The following CELF4 variants were observed in gnomAD, a reference collection of about 807,000 sequenced individuals.
The protein encoded by CELF4 is CUGBP Elav-like family member 4, also known as CUG-BP- and ETR-3-like factor 4.
In CELF4, 18 loss-of-function variants were observed where a neutral mutation model predicts 59.9. The ratio of observed to expected loss-of-function variants is 0.30; its 90% CI spans 0.21 to 0.45. CELF4 has a LOEUF of 0.45. Among genes scored for constraint, CELF4 ranks in the 20% least tolerant of loss-of-function variants. The probability of loss-of-function intolerance (pLI) is 1.00; values close to 1 mark genes in which losing one functional copy is unlikely to be tolerated. For synonymous variants in CELF4, 261 were observed against 267.1 expected (o/e 0.98, Z 0.22); for missense variants, 456 against 689.0 (o/e 0.66, Z 3.79).
chr18:37,275,099 GC>G lies in CELF4; in HGVS notation c.577+15del. On this transcript the variant is annotated intron_variant, in intron 4 of 12. Coordinates refer to ENST00000420428, the MANE Select transcript of CELF4 (RefSeq NM_020180.4). ...CCCTCCCTCCGGGGCATCCCTCCCG[GC>G]CCCGCCCCGCGCACCCTTGCTGTTG... The G allele has an allele frequency of 6.2e-7, 1 of 1,611,542 alleles. No individual in the cohort carries two copies. Among genetic ancestry groups the G allele is most frequent in the Non-Finnish European group, 8.5e-7 (1 of 1,179,012 alleles).
chr18:37,425,241 G>A (rs1052573399), intron 2 of CELF4, among the ~76,000 whole-genome samples: 1 of 152,222 alleles, frequency 6.6e-6, no homozygotes, highest in Admixed American at 6.5e-5. Context: ...TGATGCTACC[G>A]GCCTCGTGTG....
At position 37,537,973 on chromosome 18, in the gene CELF4, T is replaced by C. The variant is rs371641649; in HGVS notation, c.286+27383A>G. The stretch of plus-strand genomic sequence containing the variant: ...GATTGGGGCACAGACATTTGTGCCC[T>C]GTGCCCCGGAGAGTCCCAGGCGCTG... On this transcript the variant is annotated intron_variant, in intron 1 of 12. Coordinates refer to ENST00000420428, the MANE Select transcript of CELF4 (RefSeq NM_020180.4). Among the ~76,000 whole-genome samples, 69 of 152,380 alleles carry C rather than the reference T, an allele frequency of 4.5e-4. No homozygotes were observed. In the East Asian group the frequency reaches 0.01, roughly 23 times the overall value.
chr18:37,363,203 G>A (rs533981641), intron 2 of CELF4, among the ~76,000 whole-genome samples: 1 of 152,232 alleles, frequency 6.6e-6, no homozygotes, highest in South Asian at 2.1e-4. Context: ...GGTGGGGGAG[G>A]TTAGGAGGTG....
intron 1 of CELF4, among the ~76,000 whole-genome samples, chr18:37,559,582 A>G (rs2099985930): frequency 6.6e-6 from 1 of 151,792 alleles, no homozygotes; most frequent in African/African-American, 2.4e-5. Context: ...TCTAGAGCCT[A>G]CTTATTCCAG....
chr18:37,514,174 C>T (rs1431460215), intron 1 of CELF4, among the ~76,000 whole-genome samples: 1 of 152,142 alleles, frequency 6.6e-6, no homozygotes, highest in Non-Finnish European at 1.5e-5. Context: ...TCTCAAACAA[C>T]TAGAGGCTCT....
intron 1 of CELF4, among the ~76,000 whole-genome samples, chr18:37,552,125 G>A (rs2099983399): frequency 6.6e-6 from 1 of 152,164 alleles, no homozygotes; most frequent in African/African-American, 2.4e-5. Flanking sequence ...ATCTTTCGGG[G>A]GTTCCCACAT....
chr18:37,398,177 C>T (rs1286135978), intron 2 of CELF4, among the ~76,000 whole-genome samples: 1 of 152,170 alleles, frequency 6.6e-6, no homozygotes, highest in Non-Finnish European at 1.5e-5. Flanking sequence ...GCTTTTATAG[C>T]CTGTGACCCC....
At chr18:37,334,241 C>A (rs777936007) in intron 2 of CELF4, among the ~76,000 whole-genome samples, 1 of 152,202 alleles carries the variant, frequency 6.6e-6, no homozygotes, top group Non-Finnish European at 1.5e-5. Context: ...CTGGTACCAG[C>A]GCCCCACTGG....
At chr18:37,504,659 G>A (rs887359127) in intron 1 of CELF4, among the ~76,000 whole-genome samples, 2 of 152,230 alleles carry the variant, frequency 1.3e-5, no homozygotes, top group African/African-American at 2.4e-5. Context: ...TCAGTAATCA[G>A]AGAGTACCAG....
At chr18:37,390,027 T>A (rs1435826515) in intron 2 of CELF4, among the ~76,000 whole-genome samples, 1 of 152,186 alleles carries the variant, frequency 6.6e-6, no homozygotes, top group African/African-American at 2.4e-5. Flanking sequence ...CTCAGCCTGT[T>A]CTGTCTCACC....
intron 2 of CELF4, among the ~76,000 whole-genome samples, chr18:37,434,869 T>C (rs1301758386): frequency 6.6e-6 from 1 of 152,178 alleles, no homozygotes; most frequent in African/African-American, 2.4e-5. Context: ...ACCTTCCTCC[T>C]GCACCCCCTC....
At position 37,339,054 on chromosome 18, in the gene CELF4, C is replaced by T. The variant is rs550340929; in HGVS notation, c.370-17173G>A. On this transcript the variant is annotated intron_variant, in intron 2 of 12. Coordinates refer to ENST00000420428, the MANE Select transcript of CELF4 (RefSeq NM_020180.4). ...CCTCCTTTGACAGGCAGAGCTGATGCGGGCTGTGTGGGCACAGGAGGCGCA... is the reference window on the plus strand; with the variant it reads ...CCTCCTTTGACAGGCAGAGCTGATGTGGGCTGTGTGGGCACAGGAGGCGCA... 1.7e-3 allele frequency among the ~76,000 whole-genome samples: 252 copies of T among 152,290 alleles called. 1 individual carries two copies. In the Middle Eastern group the frequency reaches 0.037, roughly 23 times the overall value.
intron 2 of CELF4, among the ~76,000 whole-genome samples, chr18:37,336,252 C>T: frequency 6.6e-6 from 1 of 152,224 alleles, no homozygotes; most frequent in East Asian, 1.9e-4. Flanking sequence ...TGTGTAGGGC[C>T]TCACTCTGTC....
intron 2 of CELF4, among the ~76,000 whole-genome samples, chr18:37,394,313 T>A (rs112147651): frequency 6.6e-6 from 1 of 152,156 alleles, no homozygotes; most frequent in Admixed American, 6.5e-5. Flanking sequence ...GGGGACGGAA[T>A]TGGGCGGCTT....
At chr18:37,535,792 C>G (rs1467367124) in intron 1 of CELF4, among the ~76,000 whole-genome samples, 1 of 152,054 alleles carries the variant, frequency 6.6e-6, no homozygotes, top group Non-Finnish European at 1.5e-5. Flanking sequence ...GTGTGGAGAT[C>G]CCTACTTGGA....
intron 2 of CELF4, among the ~76,000 whole-genome samples, chr18:37,428,447 G>A (rs1467183647): frequency 6.6e-6 from 1 of 152,112 alleles, no homozygotes; most frequent in East Asian, 1.9e-4. Flanking sequence ...AAGCAGAGAG[G>A]TTTTTCTATG....
At chr18:37,309,662 C>G (rs1353618577) in intron 3 of CELF4, among the ~76,000 whole-genome samples, 1 of 152,016 alleles carries the variant, frequency 6.6e-6, no homozygotes, top group Non-Finnish European at 1.5e-5. Context: ...ACGACGTCCC[C>G]CAAATGCAGA....
chr18:37,367,184 GTGGTGGTGGTGGTGA>G (rs934652112), intron 2 of CELF4, among the ~76,000 whole-genome samples: 1 of 152,112 alleles, frequency 6.6e-6, no homozygotes, highest in African/African-American at 2.4e-5. Context: ...GGCTCAGGTT[GTGGTGGTGGTGGTGA>G]TGGTGGTGGT....
intron 1 of CELF4, among the ~76,000 whole-genome samples, chr18:37,521,713 C>T (rs1603643310): frequency 6.6e-6 from 1 of 152,300 alleles, no homozygotes; most frequent in Admixed American, 6.5e-5. Flanking sequence ...TCAGAGCAAC[C>T]GTCTGGGCTG....
Sources: gnomAD v4.1 joint callset for allele counts (sites outside exome capture counted in the v4.1 genomes callset) on GRCh38, gnomAD v4.1.1 for gene constraint, MANE v1.5 for transcripts, NCBI Gene and HGNC (gene_info 2026-07-23, HGNC 2026-07-21) for gene names.